Variants in CSMD1 observed in about 807,000 individuals in gnomAD.
CSMD1 encodes the protein CUB and Sushi multiple domains 1.
In CSMD1, 213 loss-of-function variants were observed where a neutral mutation model predicts 417.5. The ratio of observed to expected loss-of-function variants is 0.51; its 90% CI spans 0.46 to 0.57. The LOEUF (loss-of-function observed/expected upper bound fraction) is 0.57, where lower values mean the gene tolerates loss of function less well. Ranked by LOEUF, CSMD1 falls within the 20% of genes least tolerant of loss-of-function variation. The probability of loss-of-function intolerance (pLI) is 0.00; values close to 1 mark genes in which losing one functional copy is unlikely to be tolerated. For synonymous variants in CSMD1, 2,862 were observed against 1,736.8 expected, an observed-to-expected ratio of 1.65 and a Z score of -16.11; for missense variants, 6,923 against 4,529.7, an observed-to-expected ratio of 1.53 and a Z score of -15.17.
chr8:2,981,120 G>C (rs1805378422), intron 54 of CSMD1, among the ~76,000 whole-genome samples: 1 of 152,122 alleles, frequency 6.6e-6, no homozygotes, highest in Non-Finnish European at 1.5e-5. Context: ...AGGAAAAACA[G>C]GGCAGGAATA....
chr8:4,265,205 T>C (rs950029733), intron 3 of CSMD1, among the ~76,000 whole-genome samples: 1 of 151,976 alleles, frequency 6.6e-6, no homozygotes, highest in Non-Finnish European at 1.5e-5. Flanking sequence ...TGTAACAGTA[T>C]TTAAAAATTA....
At chr8:4,980,358 G>C (rs989710201) in intron 1 of CSMD1, among the ~76,000 whole-genome samples, 10 of 152,192 alleles carry the variant, frequency 6.6e-5, no homozygotes, top group Non-Finnish European at 1.3e-4. Flanking sequence ...GTTGCACTTA[G>C]AGCCCCAGCA....
chr8:2,954,743 G>T (rs748878896), intron 64 of CSMD1, among the ~76,000 whole-genome samples: 1 of 152,168 alleles, frequency 6.6e-6, no homozygotes, highest in Non-Finnish European at 1.5e-5. Context: ...TATCAAGTTA[G>T]ATTTACGTCA....
chr8:2,958,627 C>T (rs1383021015), intron 62 of CSMD1, among the ~76,000 whole-genome samples: 1 of 152,180 alleles, frequency 6.6e-6, no homozygotes, highest in African/African-American at 2.4e-5. Flanking sequence ...CAGCATGAGG[C>T]CAGCATGACT....
chr8:3,521,023 T>C (rs1302342868), intron 10 of CSMD1, among the ~76,000 whole-genome samples: 7 of 152,166 alleles, frequency 4.6e-5, no homozygotes, highest in Admixed American at 3.9e-4. Flanking sequence ...TTCCTCATGT[T>C]CTTCACCTGT....
At chr8:4,119,466 G>C (rs541138529) in intron 3 of CSMD1, among the ~76,000 whole-genome samples, 1 of 152,130 alleles carries the variant, frequency 6.6e-6, no homozygotes, top group Non-Finnish European at 1.5e-5. Context: ...GTGTCAGCCC[G>C]AAAACCCATT....
rs1043066463 is a variant in CSMD1 at position 4,550,654 on chromosome 8, G to C, written c.302+86688C>G. On this transcript the variant is annotated intron_variant, in intron 2 of 69. Coordinates refer to ENST00000635120, the MANE Select transcript of CSMD1 (RefSeq NM_033225.6). Reference sequence around the variant, plus strand: ...TTGGGATTTAAAAGGATCTCTAACAGTTTACCTAGACAAAGGTGACAAATA... The same window carrying C: ...TTGGGATTTAAAAGGATCTCTAACACTTTACCTAGACAAAGGTGACAAATA... 3.3e-5 allele frequency among the ~76,000 whole-genome samples: 5 copies of C among 152,220 alleles called. No individual in the cohort carries two copies. In the East Asian group the frequency reaches 5.8e-4, roughly 18 times the overall value.
chr8:3,946,289 T>G (rs746979564), intron 5 of CSMD1, among the ~76,000 whole-genome samples: 3 of 152,164 alleles, frequency 2.0e-5, no homozygotes, highest in Non-Finnish European at 4.4e-5. Flanking sequence ...TAGTCTCATC[T>G]CCTCAGTGGA....
chr8:3,860,609 A>G (rs1172756005), intron 5 of CSMD1, among the ~76,000 whole-genome samples: 1 of 152,196 alleles, frequency 6.6e-6, no homozygotes, highest in Admixed American at 6.5e-5. Flanking sequence ...ATATGAACAT[A>G]AGAGACACTA....
intron 1 of CSMD1, among the ~76,000 whole-genome samples, chr8:4,737,659 G>C (rs986579087): frequency 6.6e-6 from 1 of 152,150 alleles, no homozygotes. Context: ...AAAAGAAAAA[G>C]AGACAGGTTG....
chr8:3,495,961 A>G (rs1040791085), intron 10 of CSMD1, among the ~76,000 whole-genome samples: 4 of 152,120 alleles, frequency 2.6e-5, no homozygotes, highest in Non-Finnish European at 5.9e-5. Context: ...TTTGGGACAT[A>G]GGTAAACACG....
chr8:3,921,501 CTTT>C (rs1384184495), intron 5 of CSMD1, among the ~76,000 whole-genome samples: 1 of 151,924 alleles, frequency 6.6e-6, no homozygotes, highest in Non-Finnish European at 1.5e-5. Flanking sequence ...ATATAAAATA[CTTT>C]TTATTTTTTT....
chr8:3,075,838 G>T (rs757167101), intron 49 of CSMD1, among the ~76,000 whole-genome samples: 3 of 150,430 alleles, frequency 2.0e-5, no homozygotes, highest in Non-Finnish European at 4.4e-5. Flanking sequence ...TCAGGAGATC[G>T]AGACCATCCT....
chr8:4,376,000 C>G (rs1802708869), intron 3 of CSMD1, among the ~76,000 whole-genome samples: 1 of 152,054 alleles, frequency 6.6e-6, no homozygotes, highest in Non-Finnish European at 1.5e-5. Flanking sequence ...TGAGAGCAGC[C>G]AAGGGATTGT....
intron 35 of CSMD1, 111 bp from the exon 36 acceptor site, chr8:3,188,076 ACATATGTATATG>A (rs1213731477): frequency 1.0e-5 from 4 of 398,454 alleles, no homozygotes; most frequent in East Asian, 4.7e-5. Flanking sequence ...ATATATATAT[ACATATGTATATG>A]TATATATATA....
intron 3 of CSMD1, among the ~76,000 whole-genome samples, chr8:4,211,321 T>A (rs939606751): frequency 3.3e-5 from 5 of 152,184 alleles, no homozygotes; most frequent in Non-Finnish European, 7.3e-5. Context: ...TATCATTATA[T>A]CCAACTGTTA....
intron 2 of CSMD1, among the ~76,000 whole-genome samples, chr8:4,592,316 C>G (rs911456453): frequency 7.4e-4 from 112 of 151,710 alleles, no homozygotes; most frequent in African/African-American, 2.5e-3. Flanking sequence ...AATTGGAATG[C>G]TTTTAAATTA....
At chr8:4,930,702 G>A (rs1017725801) in intron 1 of CSMD1, among the ~76,000 whole-genome samples, 1 of 152,130 alleles carries the variant, frequency 6.6e-6, no homozygotes, top group Non-Finnish European at 1.5e-5. Flanking sequence ...CGTTTATATT[G>A]TGGATAATAC....
chr8:4,135,246 T>C (rs568011910), intron 3 of CSMD1, among the ~76,000 whole-genome samples: 1 of 152,008 alleles, frequency 6.6e-6, no homozygotes, highest in Non-Finnish European at 1.5e-5. Context: ...AATATATTTA[T>C]TCATGTCTAA....
Sources: allele counts gnomAD v4.1 joint callset (sites outside exome capture counted in the v4.1 genomes callset), GRCh38; gene constraint gnomAD v4.1.1; transcripts MANE v1.5; gene names NCBI Gene and HGNC (gene_info 2026-07-23, HGNC 2026-07-21).